Variants in BMPR1A observed in about 807,000 individuals in gnomAD.
BMPR1A encodes bone morphogenetic protein receptor type 1A, also known as bone morphogenetic protein receptor type-1A.
In BMPR1A, 7 loss-of-function variants were observed where a neutral mutation model predicts 66.0. That is an observed-to-expected ratio of 0.11 (90% CI 0.06 to 0.20). The LOEUF is 0.20. BMPR1A is among the 10% of genes least tolerant of loss of function. The pLI, the probability that BMPR1A is intolerant of heterozygous loss-of-function variation, is 1.00. For synonymous variants in BMPR1A, 200 were observed against 229.7 expected, an observed-to-expected ratio of 0.87 and a Z score of 1.17; for missense variants, 408 against 669.1, an observed-to-expected ratio of 0.61 and a Z score of 4.31.
intron 1 of BMPR1A, among the ~76,000 whole-genome samples, chr10:86,792,225 G>T (rs1390675415): frequency 6.6e-6 from 1 of 151,848 alleles, no homozygotes; most frequent in African/African-American, 2.4e-5. Context: ...ACGCCACCAT[G>T]CCTAGCTAAT....
chr10:86,774,217 A>T (rs1407616558), intron 1 of BMPR1A, among the ~76,000 whole-genome samples: 5 of 152,124 alleles, frequency 3.3e-5, no homozygotes, highest in Non-Finnish European at 4.4e-5. Flanking sequence ...AAATAACATA[A>T]CTTTTTTGGA....
chr10:86,827,262 A>G (rs1377862035), intron 1 of BMPR1A, among the ~76,000 whole-genome samples: 1 of 151,812 alleles, frequency 6.6e-6, no homozygotes, highest in Non-Finnish European at 1.5e-5. Flanking sequence ...CTTTATACAT[A>G]TGGAATTATT....
chr10:86,836,349 A>G (rs1361622807), intron 1 of BMPR1A, among the ~76,000 whole-genome samples: 2 of 152,170 alleles, frequency 1.3e-5, no homozygotes, highest in African/African-American at 4.8e-5. Flanking sequence ...TGACTTGCAG[A>G]GCTGTACTGT....
chr10:86,882,005 T>A (rs535380232), intron 3 of BMPR1A, among the ~76,000 whole-genome samples: 6 of 152,146 alleles, frequency 3.9e-5, no homozygotes, highest in Non-Finnish European at 8.8e-5. Context: ...GTTTTTTTTT[T>A]AAGTTCTTTT....
intron 5 of BMPR1A, among the ~76,000 whole-genome samples, chr10:86,897,084 A>G (rs554273591): frequency 6.6e-6 from 1 of 152,112 alleles, no homozygotes; most frequent in Admixed American, 6.5e-5. Context: ...GTTTCCTCCT[A>G]TAGGACAAAT....
chr10:86,925,721 C>CTTTTTTTTTTTTTTTTTTTTTTTTT lies in BMPR1A; in HGVS notation c.*2019_*2020insTTTTTTTTTTTTTTTTTTTTTTTTT, dbSNP rs11450437. On this transcript the variant is annotated 3_prime_UTR_variant, in exon 13 of 13. Transcript: ENST00000372037. The stretch of plus-strand genomic sequence containing the variant: ...CATAATCTTTAAAATCATTTGTCAT[C>CTTTTTTTTTTTTTTTTTTTTTTTTT]TTTTTTTTTTTTTTTTTGAGACGGA... 2 of 116,304 alleles carry CTTTTTTTTTTTTTTTTTTTTTTTTT rather than the reference C, an allele frequency of 1.7e-5. 1 individual carries two copies. The highest frequency in any genetic ancestry group is 3.2e-5 in the Non-Finnish European group (2 of 62,792). The allele number at this position is 116,304 out of a possible 1,614,324, so 7.2% of individuals were successfully genotyped here.
intron 1 of BMPR1A, among the ~76,000 whole-genome samples, chr10:86,790,033 G>T (rs573418211): frequency 3.3e-5 from 5 of 149,496 alleles, no homozygotes; most frequent in Middle Eastern, 3.4e-3. Context: ...GCAGGTTCCT[G>T]TAGTCCCAGC....
At chr10:86,791,691 C>G in intron 1 of BMPR1A, among the ~76,000 whole-genome samples, 1 of 39,692 alleles carries the variant, frequency 2.5e-5, no homozygotes, top group Admixed American at 2.3e-4. Flanking sequence ...CTTCCTTCCT[C>G]CCTCCCTCCC....
chr10:86,780,685 C>G (rs770474763), intron 1 of BMPR1A, among the ~76,000 whole-genome samples: 2 of 151,724 alleles, frequency 1.3e-5, no homozygotes, highest in African/African-American at 2.4e-5. Flanking sequence ...CTCCTGCCTC[C>G]GCCTCCCAAA....
chr10:86,817,137 A>G (rs750304773), intron 1 of BMPR1A, among the ~76,000 whole-genome samples: 3 of 152,190 alleles, frequency 2.0e-5, no homozygotes, highest in Non-Finnish European at 4.4e-5. Context: ...GTTCAGTGGT[A>G]TTAAATACAT....
At chr10:86,874,492 G>C (rs1049116819) in intron 2 of BMPR1A, among the ~76,000 whole-genome samples, 1 of 151,318 alleles carries the variant, frequency 6.6e-6, no homozygotes, top group Non-Finnish European at 1.5e-5. Flanking sequence ...TGCAAGCTTC[G>C]CTTACTGGGT....
At chr10:86,846,323 C>T (rs1000191699) in intron 2 of BMPR1A, among the ~76,000 whole-genome samples, 7 of 152,146 alleles carry the variant, frequency 4.6e-5, no homozygotes, top group African/African-American at 1.7e-4. Context: ...GCTCCATTGA[C>T]GGGCCTGGTA....
Position 86,904,006 on chromosome 10 carries a change from C to T in BMPR1A, c.530+3880C>T, listed in dbSNP as rs564150566. Among the ~76,000 whole-genome samples, 6 of 152,274 alleles carry T rather than the reference C, an allele frequency of 3.9e-5. No individual in the cohort carries two copies. In the South Asian group the frequency reaches 6.2e-4, roughly 16 times the overall value. On this transcript the variant is annotated intron_variant, in intron 7 of 12. Transcript: ENST00000372037. ...GCATACTCCACCTGCTGGGTTCAAGCGATTCTCGTGCTTCAGCTTCCCAAG... is the reference window on the plus strand; with the variant it reads ...GCATACTCCACCTGCTGGGTTCAAGTGATTCTCGTGCTTCAGCTTCCCAAG...
At chr10:86,886,751 C>T (rs993677529) in intron 3 of BMPR1A, among the ~76,000 whole-genome samples, 9 of 151,590 alleles carry the variant, frequency 5.9e-5, no homozygotes, top group African/African-American at 2.2e-4. Flanking sequence ...ACTTTTGACA[C>T]CTAAGATCAG....
At chr10:86,794,950 C>T (rs576357508) in intron 1 of BMPR1A, among the ~76,000 whole-genome samples, 1 of 151,646 alleles carries the variant, frequency 6.6e-6, no homozygotes, top group Non-Finnish European at 1.5e-5. Flanking sequence ...CTCCTTGGTT[C>T]AAGCAGTTCT....
At chr10:86,882,414 C>A (rs143352357) in intron 3 of BMPR1A, among the ~76,000 whole-genome samples, 5,090 of 151,464 alleles carry the variant, frequency 0.034, 194 homozygotes, top group African/African-American at 0.092. Flanking sequence ...CAGAGTGAGA[C>A]CCTGTCTCAA....
intron 1 of BMPR1A, among the ~76,000 whole-genome samples, chr10:86,830,707 A>G (rs1462997718): frequency 1.3e-5 from 2 of 152,080 alleles, no homozygotes; most frequent in Admixed American, 6.5e-5. Context: ...AGATTTCTTT[A>G]TATATCCTAG....
chr10:86,813,912 T>C (rs539084345), intron 1 of BMPR1A, among the ~76,000 whole-genome samples: 9 of 152,370 alleles, frequency 5.9e-5, no homozygotes, highest in South Asian at 4.1e-4. Flanking sequence ...ATATGTATAA[T>C]GTTTATACTC....
chr10:86,788,053 AG>A (rs1163836363), intron 1 of BMPR1A, among the ~76,000 whole-genome samples: 3 of 152,184 alleles, frequency 2.0e-5, no homozygotes, highest in African/African-American at 7.2e-5. Context: ...TTTAGGGAAA[AG>A]GGAAGTACTG....
Sources: gnomAD v4.1 joint callset for allele counts (sites outside exome capture counted in the v4.1 genomes callset) on GRCh38, gnomAD v4.1.1 for gene constraint, MANE v1.5 for transcripts, NCBI Gene and HGNC (gene_info 2026-07-23, HGNC 2026-07-21) for gene names.